TLE4: variants seen among roughly 807,000 people sequenced by gnomAD.
TLE4 encodes TLE family member 4, transcriptional corepressor.
A neutral mutation model predicts 92.8 loss-of-function variants in TLE4; 8 were observed. The ratio of observed to expected loss-of-function variants is 0.09; its 90% confidence interval spans 0.05 to 0.16. The LOEUF is 0.16. Ranked by LOEUF, TLE4 falls within the 10% of genes least tolerant of loss-of-function variation. The probability of loss-of-function intolerance (pLI) is 1.00; values close to 1 mark genes in which losing one functional copy is unlikely to be tolerated. For synonymous variants in TLE4, 371 were observed against 374.1 expected, an observed-to-expected ratio of 0.99 and a Z score of 0.10; for missense variants, 675 against 997.6, an observed-to-expected ratio of 0.68 and a Z score of 4.36.
At chr9:79,634,841 G>C (rs1022064202) in intron 6 of TLE4, among the ~76,000 whole-genome samples, 1 of 152,126 alleles carries the variant, frequency 6.6e-6, no homozygotes, top group African/African-American at 2.4e-5. Flanking sequence ...CCTGTGTATT[G>C]CAGACTGATA....
intron 4 of TLE4, among the ~76,000 whole-genome samples, chr9:79,582,494 T>A (rs1415842861): frequency 6.6e-6 from 1 of 152,248 alleles, no homozygotes; most frequent in Admixed American, 6.5e-5. Flanking sequence ...CTTCACATTC[T>A]TCATTTAATC....
rs200396360 is a variant in TLE4 at position 79,718,940 on chromosome 9, A to G, written c.1559A>G (p.Asn520Ser). ...GTCTGGGACATCAGCCACCCAGGCA[A>G]TAAGAGTCCTGTCTCCCAGCTCGAC... is the stretch of plus-strand genomic sequence containing the variant. ...VKVWDISHPG[N>S]KSPVSQLDCL... is the part of the protein sequence containing the mutation. The change falls in exon 15 of 20, where the codon AAT (asparagine) becomes AGT (serine). Residue 520 changes from asparagine to serine, a missense_variant. By Grantham distance (46) the Asn-to-Ser change is conservative. Around this residue, in one of 5 missense-constraint regions of TLE4, gnomAD observed 170 missense variants for 359.6 expected, o/e 0.47. Coordinates refer to ENST00000376552, the MANE Select transcript of TLE4 (RefSeq NM_007005.6). 2.1e-4 allele frequency: 332 copies of G among 1,612,934 alleles called. No homozygotes were observed. In the African/African-American group the frequency reaches 2.4e-3, roughly 11 times the overall value.
At position 79,706,842 on chromosome 9, in the gene TLE4, A is replaced by C; in HGVS notation, c.879A>C (p.Pro293=). 1 of 1,614,194 alleles carries C rather than the reference A, an allele frequency of 6.2e-7. No individual in the cohort carries two copies. The highest frequency in any genetic ancestry group is 2.2e-5 in the East Asian group (1 of 44,880). ...RLLKKDAPIS[P]ASIASSSSTP... is the part of the protein sequence containing the mutation. ...TCAAGAAAGATGCCCCGATTAGTCC[A>C]GCCTCTATTGCATCTTCCAGCAGTA... The change falls in exon 11 of 20, where the codon CCA becomes CCC. Residue 293 remains proline (P), a synonymous_variant. Coordinates refer to ENST00000376552, the MANE Select transcript of TLE4 (RefSeq NM_007005.6).
At chr9:79,711,581 A>T (rs1358687773) in intron 14 of TLE4, among the ~76,000 whole-genome samples, 1 of 152,046 alleles carries the variant, frequency 6.6e-6, no homozygotes, top group Non-Finnish European at 1.5e-5. Flanking sequence ...CACTAGAGCA[A>T]ATGAGATGAT....
intron 6 of TLE4, among the ~76,000 whole-genome samples, chr9:79,631,615 AAT>A (rs1491395750): frequency 3.4e-5 from 1 of 29,604 alleles, no homozygotes; most frequent in African/African-American, 8.3e-5. Flanking sequence ...TTGAACCTTA[AAT>A]GTGTGTGTGT....
Position 79,672,504 on chromosome 9 carries a change from A to T in TLE4, c.609+18429A>T, listed in dbSNP as rs183761246. ...ATGTATAGAGTCAGCTTCCTGCATG[A>T]CCTGTTTTTGTGAGACAGAGGACCT... On this transcript the variant is annotated intron_variant, in intron 8 of 19. Coordinates refer to ENST00000376552, the MANE Select transcript of TLE4 (RefSeq NM_007005.6). Among the ~76,000 whole-genome samples the T allele has an allele frequency of 2.6e-3, 395 of 152,138 alleles. 10 individuals are homozygous for T. Among genetic ancestry groups the T allele is most frequent in the Admixed American group, 0.026 (393 of 15,272 alleles).
intron 8 of TLE4, among the ~76,000 whole-genome samples, chr9:79,701,320 C>T (rs1026346976): frequency 2.0e-5 from 3 of 152,036 alleles, no homozygotes; most frequent in African/African-American, 7.2e-5. Context: ...CAGTCAACTT[C>T]AAAAATACAA....
At chr9:79,601,836 C>T (rs1290863465) in intron 4 of TLE4, among the ~76,000 whole-genome samples, 1 of 152,118 alleles carries the variant, frequency 6.6e-6, no homozygotes, top group Non-Finnish European at 1.5e-5. Flanking sequence ...AAATGATTAA[C>T]CTTAGAGTGG....
chr9:79,672,756 T>G (rs2062622879), intron 8 of TLE4, among the ~76,000 whole-genome samples: 1 of 152,290 alleles, frequency 6.6e-6, no homozygotes, highest in East Asian at 1.9e-4. Context: ...TTTCTCTGTT[T>G]ATCAGAACTT....
intron 8 of TLE4, among the ~76,000 whole-genome samples, chr9:79,687,640 CT>C (rs748090589): frequency 1.3e-5 from 2 of 152,116 alleles, no homozygotes; most frequent in African/African-American, 2.4e-5. Context: ...CTTCCTTGCC[CT>C]TCCTTGGCCT....
intron 4 of TLE4, among the ~76,000 whole-genome samples, chr9:79,612,258 A>T (rs1460468749): frequency 6.6e-6 from 1 of 152,132 alleles, no homozygotes; most frequent in Non-Finnish European, 1.5e-5. Flanking sequence ...TAATTGATGG[A>T]GTTGAGATGT....
chr9:79,649,298 AC>A (rs2058576834), intron 6 of TLE4, among the ~76,000 whole-genome samples: 3 of 151,582 alleles, frequency 2.0e-5, no homozygotes, highest in Admixed American at 6.6e-5. Flanking sequence ...ACACACACAC[AC>A]ACAACAAGGC....
intron 8 of TLE4, among the ~76,000 whole-genome samples, chr9:79,690,779 CTTTTTTTTTTTTTT>C (rs35528090): frequency 7.4e-5 from 4 of 54,152 alleles, no homozygotes; most frequent in East Asian, 7.0e-4. Context: ...CCACTCCTGG[CTTTTTTTTTTTTTT>C]TTTTTTTTTT....
rs564042981 is a variant in TLE4, at chr9:79,722,659, T to C, written c.2137+58T>C. 41 of 1,585,156 alleles carry C rather than the reference T, an allele frequency of 2.6e-5. 1 individual carries two copies. The South Asian group carries it at 3.5e-4, about 14-fold the overall frequency. On this transcript the variant is annotated intron_variant, in intron 18 of 19. Coordinates refer to ENST00000376552, the MANE Select transcript of TLE4 (RefSeq NM_007005.6). ...ACCAGAATTGCTCCTTCCCCCTTCC[T>C]GTGTTTTTATTTCCAAGTCGAATCC...
At chr9:79,645,056 G>A (rs1201329927) in intron 6 of TLE4, among the ~76,000 whole-genome samples, 1 of 152,102 alleles carries the variant, frequency 6.6e-6, no homozygotes, top group Non-Finnish European at 1.5e-5. Flanking sequence ...AATGTTTTTT[G>A]AAAATGTGTT....
At chr9:79,583,738 A>G (rs1210958622) in intron 4 of TLE4, among the ~76,000 whole-genome samples, 1 of 152,184 alleles carries the variant, frequency 6.6e-6, no homozygotes, top group Admixed American at 6.5e-5. Flanking sequence ...TTGAAACTGC[A>G]AGAAAATATA....
intron 8 of TLE4, among the ~76,000 whole-genome samples, chr9:79,701,777 C>T (rs1017640681): frequency 3.3e-5 from 5 of 152,122 alleles, no homozygotes; most frequent in African/African-American, 7.2e-5. Flanking sequence ...GAGATTGAGG[C>T]GTGCAGAGGG....
chr9:79,618,130 G>GC (rs974373687), intron 5 of TLE4, among the ~76,000 whole-genome samples: 18 of 152,180 alleles, frequency 1.2e-4, no homozygotes, highest in African/African-American at 4.3e-4. Flanking sequence ...TGACCATTAT[G>GC]CCCCCCTAAA....
rs1412449063 is a variant in TLE4, at chr9:79,726,590, A to G, written c.*1446A>G. Reference sequence around the variant, plus strand: ...GTGCTTAGTGTTTGATGTCATTAACAGTTTCGTAAAACTCTACAGTGTAGA... The same window carrying G: ...GTGCTTAGTGTTTGATGTCATTAACGGTTTCGTAAAACTCTACAGTGTAGA... On this transcript the variant is annotated 3_prime_UTR_variant, in exon 20 of 20. Transcript: ENST00000376552. 6.6e-6 allele frequency: 1 copy of G among 152,650 alleles called. No homozygotes were observed. The highest frequency in any genetic ancestry group is 1.5e-5 in the Non-Finnish European group (1 of 68,054). 9.5% of individuals were successfully genotyped at this position (152,650 alleles called of 1,614,324 possible). A position where few individuals can be genotyped will look rare whatever the true frequency, so the allele number is the denominator to read the frequency against.
Sources: gnomAD v4.1 joint callset for allele counts (sites outside exome capture counted in the v4.1 genomes callset) on GRCh38, gnomAD v4.1.1 for gene constraint, gnomAD v4.1.1 regional missense constraint, MANE v1.5 for transcripts, NCBI Gene and HGNC (gene_info 2026-07-23, HGNC 2026-07-21) for gene names.